The following SLC3A1 variants were observed in gnomAD, a reference collection of about 807,000 sequenced individuals.
The protein encoded by SLC3A1 is solute carrier family 3 member 1, also known as amino acid transporter heavy chain SLC3A1.
In SLC3A1, 78 loss-of-function variants were observed where a neutral mutation model predicts 60.3. The observed-to-expected ratio is 1.29, with a 90% CI of 1.08 to 1.56. The LOEUF (loss-of-function observed/expected upper bound fraction) is 1.56, where lower values mean the gene tolerates loss of function less well. Among genes scored for constraint, SLC3A1 ranks in the 40% most tolerant of loss-of-function variants. SLC3A1 has a pLI of 0.00. For missense variants in SLC3A1, 1,172 were observed against 858.9 expected, an observed-to-expected ratio of 1.36 and a Z score of -4.56; for synonymous variants, 392 against 307.9, an observed-to-expected ratio of 1.27 and a Z score of -2.86.
intron 7 of SLC3A1, among the ~76,000 whole-genome samples, chr2:44,309,863 G>C (rs1572813166): frequency 6.6e-6 from 1 of 152,176 alleles, no homozygotes; most frequent in African/African-American, 2.4e-5. Flanking sequence ...CTCCCAAAGT[G>C]CTGGGATTAC....
intron 9 of SLC3A1, 184 bp from the exon 10 acceptor site, chr2:44,320,015 G>C: frequency 1.7e-6 from 1 of 600,112 alleles, no homozygotes; most frequent in Non-Finnish European, 2.9e-6. Context: ...CCCCGAATTT[G>C]TCATTTCTAT....
At chr2:44,320,124 T>C (rs549024166) in intron 9 of SLC3A1, 75 bp from the exon 10 acceptor site, 18 of 1,342,084 alleles carry the variant, frequency 1.3e-5, no homozygotes, top group Non-Finnish European at 1.9e-5. Context: ...AAATAACTCC[T>C]TACAATATAT....
At chr2:44,308,633 G>C (rs1427941033) in intron 7 of SLC3A1, among the ~76,000 whole-genome samples, 1 of 151,944 alleles carries the variant, frequency 6.6e-6, no homozygotes, top group Non-Finnish European at 1.5e-5. Flanking sequence ...CATTATTAGT[G>C]TATAGAAATA....
At chr2:44,297,815 C>T in intron 4 of SLC3A1, among the ~76,000 whole-genome samples, 1 of 152,134 alleles carries the variant, frequency 6.6e-6, no homozygotes, top group East Asian at 1.9e-4. Flanking sequence ...CCCGGCTGGT[C>T]TAGAACTCCT....
chr2:44,280,737 A>G lies in SLC3A1; in HGVS notation c.452A>G (p.Tyr151Cys), dbSNP rs778354350. 8.1e-6 allele frequency: 13 copies of G among 1,610,080 alleles called. No homozygotes were observed. Among genetic ancestry groups the G allele is most frequent in the Non-Finnish European group, 1.0e-5 (12 of 1,176,360 alleles). The stretch of plus-strand genomic sequence containing the variant: ...TCAGGTATTCAAGATAAACTGGACT[A>G]CATCACAGCTTTAAATATAAAAACT... ...DLKGIQDKLDYITALNIKTVW... is the reference protein window; with the variant it reads ...DLKGIQDKLDCITALNIKTVW... Residue 151 changes from tyrosine to cysteine, a missense_variant, in exon 2 of 10, where the codon TAC becomes TGC. Tyr to Cys is a radical substitution (Grantham distance 194). Coordinates refer to ENST00000260649, the MANE Select transcript of SLC3A1 (RefSeq NM_000341.4).
chr2:44,281,038 C>T, intron 2 of SLC3A1, 143 bp downstream of exon 2: 1 of 689,888 alleles, frequency 1.4e-6, no homozygotes, highest in Non-Finnish European at 2.4e-6. Flanking sequence ...TTCTTTCCTT[C>T]CCGCTTTCTC....
intron 4 of SLC3A1, 54 bp from the exon 5 acceptor site, chr2:44,299,917 G>T (rs769030341): frequency 6.3e-7 from 1 of 1,595,160 alleles, no homozygotes; most frequent in Non-Finnish European, 8.6e-7. Flanking sequence ...TTGATTAAAC[G>T]TTGTGATAAT....
At chr2:44,321,658 A>T, downstream of SLC3A1, 1 of 1,522,866 alleles carries the variant, frequency 6.6e-7, no homozygotes, top group Non-Finnish European at 8.8e-7. Flanking sequence ...CAAGAGAGAG[A>T]CATTTCTCTT....
In SLC3A1 at chr2:44,321,413, T is replaced by C. The variant is rs1276960405; in HGVS notation, c.*774T>C. The stretch of plus-strand genomic sequence containing the variant: ...AAACACTGGTGCTGTCAAGTCCAAG[T>C]TCCTCGTACAGGAATTTAATTTGGG... On this transcript the variant is annotated 3_prime_UTR_variant, in exon 10 of 10. Transcript: ENST00000260649. The C allele has an allele frequency of 5.0e-6, 8 of 1,613,170 alleles. No homozygotes were observed. The East Asian group carries it at 1.8e-4, about 36-fold the overall frequency.
At position 44,280,969 on chromosome 2, in the gene SLC3A1, C is replaced by A. The variant is rs773789756; in HGVS notation, c.610+74C>A. ...CACTTTTTCAAATGTTTACTTAAAG[C>A]ATTTCTTCTCCTTAACTGTCATATA... On this transcript the variant is annotated intron_variant, in intron 2 of 9. Coordinates refer to ENST00000260649, the MANE Select transcript of SLC3A1 (RefSeq NM_000341.4). 1.1e-5 allele frequency: 14 copies of A among 1,281,718 alleles called. No homozygotes were observed. In the South Asian group the frequency reaches 1.7e-4, roughly 15 times the overall value. 79.4% of individuals were successfully genotyped at this position (1,281,718 alleles called of 1,614,324 possible).
intron 9 of SLC3A1, chr2:44,314,702 C>T (rs1672383811): frequency 6.6e-6 from 1 of 152,620 alleles, no homozygotes. Flanking sequence ...CCCACAGCTC[C>T]CTGCTACAAG....
At chr2:44,313,131 T>G (rs1240469006) in intron 8 of SLC3A1, among the ~76,000 whole-genome samples, 1 of 152,186 alleles carries the variant, frequency 6.6e-6, no homozygotes, top group African/African-American at 2.4e-5. Context: ...AATGTGGAGT[T>G]AGGAACACTT....
In SLC3A1 at chr2:44,288,937, T is replaced by C. The variant is rs867974794; in HGVS notation, c.891+2780T>C. Among the ~76,000 whole-genome samples the C allele has an allele frequency of 2.0e-5, 3 of 152,002 alleles. No individual in the cohort carries two copies. The South Asian group carries it at 6.2e-4, about 32-fold the overall frequency. On this transcript the variant is annotated intron_variant, in intron 4 of 9. Transcript: ENST00000260649. ...GCAACCCCAGTCTCCCAGGCTCAAG[T>C]GATTCTTGCGCCTCAGCTTCCTGAG...
intron 7 of SLC3A1, among the ~76,000 whole-genome samples, chr2:44,305,418 C>G (rs1179594417): frequency 1.5e-5 from 2 of 129,250 alleles, no homozygotes; most frequent in Non-Finnish European, 3.1e-5. Flanking sequence ...GACAACCTTT[C>G]TTTTCTTACT....
chr2:44,288,323 GC>G (rs1330716029), intron 4 of SLC3A1, among the ~76,000 whole-genome samples: 1 of 152,110 alleles, frequency 6.6e-6, no homozygotes, highest in Non-Finnish European at 1.5e-5. Flanking sequence ...ACTGCACCTG[GC>G]CTAATTTCAG....
intron 9 of SLC3A1, chr2:44,314,399 A>G (rs1047337275): frequency 3.0e-5 from 8 of 263,086 alleles, no homozygotes; most frequent in Admixed American, 4.8e-5. Context: ...GAAGCCATAC[A>G]TGATCCTTAA....
chr2:44,290,254 A>C (rs573933426), intron 4 of SLC3A1, among the ~76,000 whole-genome samples: 24 of 150,956 alleles, frequency 1.6e-4, no homozygotes, highest in Non-Finnish European at 2.9e-4. Context: ...GCATGGGTTT[A>C]TTTCTGGACT....
chr2:44,308,732 ATTT>A (rs566593033), intron 7 of SLC3A1, among the ~76,000 whole-genome samples: 3 of 147,172 alleles, frequency 2.0e-5, no homozygotes, highest in African/African-American at 7.5e-5. Context: ...TTCCTGAAGA[ATTT>A]TTTTTTTTTT....
intron 4 of SLC3A1, among the ~76,000 whole-genome samples, chr2:44,291,774 T>G (rs898657549): frequency 3.9e-5 from 6 of 152,180 alleles, no homozygotes; most frequent in Non-Finnish European, 7.4e-5. Context: ...TCCTGGAGCC[T>G]GAGCCCACTT....
Sources: allele counts gnomAD v4.1 joint callset (sites outside exome capture counted in the v4.1 genomes callset), GRCh38; gene constraint gnomAD v4.1.1; transcripts MANE v1.5; gene names NCBI Gene and HGNC (gene_info 2026-07-23, HGNC 2026-07-21).